GDPD1: variants seen among roughly 807,000 people sequenced by gnomAD.
GDPD1 encodes the protein lysophospholipase D GDPD1.
GDPD1 carries 28 observed loss-of-function variants against 45.1 expected under a neutral mutation model. The ratio of observed to expected loss-of-function variants is 0.62; its 90% CI spans 0.46 to 0.85. The LOEUF (loss-of-function observed/expected upper bound fraction) is 0.85, where lower values mean the gene tolerates loss of function less well. Ranked by LOEUF, GDPD1 falls within the 40% of genes least tolerant of loss-of-function variation. The pLI is 0.00. For missense variants in GDPD1, 256 were observed against 364.8 expected (o/e 0.70, Z 2.43); for synonymous variants, 139 against 131.4 (o/e 1.06, Z -0.40).
At chr17:59,270,145 C>G (rs1714873228) in intron 7 of GDPD1, among the ~76,000 whole-genome samples, 1 of 151,532 alleles carries the variant, frequency 6.6e-6, no homozygotes, top group Non-Finnish European at 1.5e-5. Context: ...GCAACCAGGA[C>G]TTTCCACTGG....
chr17:59,269,882 G>A (rs1030011225), intron 7 of GDPD1, among the ~76,000 whole-genome samples: 4 of 152,078 alleles, frequency 2.6e-5, no homozygotes, highest in Non-Finnish European at 4.4e-5. Flanking sequence ...GCCTGGAGTG[G>A]ACTGTTTGCT....
At chr17:59,249,757 A>G (rs956036327) in intron 4 of GDPD1, among the ~76,000 whole-genome samples, 6 of 152,242 alleles carry the variant, frequency 3.9e-5, no homozygotes, top group Non-Finnish European at 8.8e-5. Flanking sequence ...TCAAATGTAT[A>G]ACTCAATAAA....
intron 1 of GDPD1, among the ~76,000 whole-genome samples, chr17:59,232,972 T>C (rs2047102801): frequency 6.6e-6 from 1 of 152,106 alleles, no homozygotes; most frequent in South Asian, 2.1e-4. Context: ...TCCCAGCACT[T>C]TGGGAGGCTG....
At chr17:59,268,754 G>T (rs1049400562) in intron 7 of GDPD1, among the ~76,000 whole-genome samples, 12 of 151,776 alleles carry the variant, frequency 7.9e-5, no homozygotes, top group Middle Eastern at 3.4e-3. Context: ...ATATTGCTAA[G>T]AAAAGCAGGC....
intron 6 of GDPD1, among the ~76,000 whole-genome samples, chr17:59,259,428 G>A (rs2047335220): frequency 1.3e-5 from 2 of 151,692 alleles, no homozygotes; most frequent in African/African-American, 2.4e-5. Context: ...TTAGCCAGGC[G>A]TAGTGGTGGG....
intron 4 of GDPD1, among the ~76,000 whole-genome samples, chr17:59,255,170 C>T (rs572045268): frequency 7.9e-5 from 12 of 151,934 alleles, no homozygotes; most frequent in East Asian, 7.7e-4. Context: ...TATAATAAGA[C>T]GGAATAAAGG....
intron 1 of GDPD1, among the ~76,000 whole-genome samples, chr17:59,228,048 T>A (rs1029088867): frequency 2.6e-5 from 4 of 151,956 alleles, no homozygotes; most frequent in African/African-American, 9.7e-5. Flanking sequence ...GGCGCACGCC[T>A]GTAGTTTCAG....
chr17:59,249,309 G>A (rs1425639796), intron 4 of GDPD1: 1 of 152,140 alleles, frequency 6.6e-6, no homozygotes, highest in East Asian at 1.9e-4. Flanking sequence ...GCAGGAGAAT[G>A]GCTTGAACCT....
At position 59,267,137 on chromosome 17, in the gene GDPD1, C is replaced by T; in HGVS notation, c.673C>T (p.Gln225Ter). 1 of 1,613,964 alleles carries T rather than the reference C, an allele frequency of 6.2e-7. No homozygotes were observed. The highest frequency in any genetic ancestry group is 8.5e-7 in the Non-Finnish European group (1 of 1,179,896). Residue 225 changes from glutamine (Q) to a stop codon, truncating the protein, a stop_gained, in exon 7 of 10, where the codon CAG (glutamine) becomes TAG (stop). Coordinates refer to ENST00000284116, the MANE Select transcript of GDPD1 (RefSeq NM_182569.4). LOFTEE classifies it high-confidence loss of function. ...GLLPFVPIRE[Q>*]FFEIPMPSII... ...CTTGCCCTTTGTGCCCATTCGAGAA[C>T]AGTTTTTTGAAATCCCAATGCCTTC...
At chr17:59,246,624 G>A (rs148114527) in intron 3 of GDPD1, among the ~76,000 whole-genome samples, 3 of 135,264 alleles carry the variant, frequency 2.2e-5, no homozygotes, top group East Asian at 4.7e-4. Flanking sequence ...CAGGAGAATC[G>A]CTTGAACCCA....
chr17:59,241,686 T>C (rs1018002388), intron 2 of GDPD1, among the ~76,000 whole-genome samples: 2 of 150,350 alleles, frequency 1.3e-5, no homozygotes, highest in Non-Finnish European at 3.0e-5. Context: ...CCCAGCACTT[T>C]GGGAGGCCGA....
chr17:59,251,231 G>A (rs1310241183), intron 4 of GDPD1, among the ~76,000 whole-genome samples: 3 of 152,150 alleles, frequency 2.0e-5, no homozygotes, highest in Non-Finnish European at 4.4e-5. Context: ...TAAGAACAAT[G>A]CTGTGGGTCC....
chr17:59,262,487 A>G (rs879542483), intron 6 of GDPD1, among the ~76,000 whole-genome samples: 7 of 151,882 alleles, frequency 4.6e-5, no homozygotes, highest in Non-Finnish European at 1.0e-4. Flanking sequence ...AAAAAAATCA[A>G]CCTCAAACTG....
chr17:59,270,872 C>T (rs1198552577), intron 7 of GDPD1, 64 bp from the exon 8 acceptor site: 1 of 999,484 alleles, frequency 1.0e-6, no homozygotes, highest in Admixed American at 2.3e-5. Context: ...GAATTTGTTT[C>T]ATTTTATCAC....
In GDPD1 at chr17:59,275,168, C is replaced by G. The variant is rs2047472941; in HGVS notation, c.*1395C>G. On this transcript the variant is annotated 3_prime_UTR_variant, in exon 10 of 10. Transcript: ENST00000284116. ...GTAAAAGAAATTTTGAAGGCCATTG[C>G]AGCTATTTGGTAGTGTCTTGTTATT... 4 of 1,537,220 alleles carry G rather than the reference C, an allele frequency of 2.6e-6. No individual in the cohort carries two copies. The highest frequency in any genetic ancestry group is 1.4e-5 in the African/African-American group (1 of 73,114).
At position 59,243,239 on chromosome 17, in the gene GDPD1, C is replaced by T. The variant is rs534782334; in HGVS notation, c.186-2175C>T. Reference sequence around the variant, plus strand: ...AAGGTGGGCAGGCTGGGTGCAGTGGCTCACGCCTGTAATCCCAGCATTTTG... The same window carrying T: ...AAGGTGGGCAGGCTGGGTGCAGTGGTTCACGCCTGTAATCCCAGCATTTTG... On this transcript the variant is annotated intron_variant, in intron 2 of 9. Transcript: ENST00000284116. 3.3e-4 allele frequency among the ~76,000 whole-genome samples: 50 copies of T among 151,384 alleles called. No individual in the cohort carries two copies. The South Asian group carries it at 8.6e-3, about 26-fold the overall frequency.
intron 1 of GDPD1, among the ~76,000 whole-genome samples, chr17:59,232,256 G>A (rs962726863): frequency 1.3e-5 from 2 of 152,110 alleles, no homozygotes; most frequent in African/African-American, 4.8e-5. Flanking sequence ...TTCGAGATCA[G>A]CATGGCCAAT....
At chr17:59,220,844 G>C in intron 1 of GDPD1, 93 bp downstream of exon 1, 2 of 1,393,690 alleles carry the variant, frequency 1.4e-6, no homozygotes, top group Admixed American at 3.8e-5. Flanking sequence ...CAATCCCTGA[G>C]AGTTTGAGGA....
chr17:59,225,619 T>G (rs1198936461), intron 1 of GDPD1, among the ~76,000 whole-genome samples: 1 of 152,166 alleles, frequency 6.6e-6, no homozygotes, highest in Non-Finnish European at 1.5e-5. Context: ...TGAGCCACTG[T>G]GCTCGGCCAA....
Sources: allele counts gnomAD v4.1 joint callset (sites outside exome capture counted in the v4.1 genomes callset), GRCh38; gene constraint gnomAD v4.1.1; transcripts MANE v1.5; gene names NCBI Gene and HGNC (gene_info 2026-07-23, HGNC 2026-07-21).